Variants in TMTC2 observed in about 807,000 individuals in gnomAD.
The protein encoded by TMTC2 is transmembrane O-mannosyltransferase targeting cadherins 2, also known as protein O-mannosyl-transferase TMTC2.
TMTC2 carries 43 observed loss-of-function variants against 82.4 expected under a neutral mutation model. The observed-to-expected ratio is 0.52, with a 90% CI of 0.41 to 0.67. The LOEUF is 0.67. Ranked by LOEUF, TMTC2 falls within the 30% of genes least tolerant of loss-of-function variation. TMTC2 has a pLI of 0.00. For synonymous variants in TMTC2, 408 were observed against 381.9 expected, an observed-to-expected ratio of 1.07 and a Z score of -0.80; for missense variants, 919 against 1,012.4, an observed-to-expected ratio of 0.91 and a Z score of 1.25.
intron 11 of TMTC2, among the ~76,000 whole-genome samples, chr12:83,080,481 T>A (rs1883426961): frequency 6.6e-6 from 1 of 152,102 alleles, no homozygotes; most frequent in Non-Finnish European, 1.5e-5. Flanking sequence ...AATTGTAATT[T>A]AAAAAATTAT....
At chr12:83,101,123 T>A (rs191829716) in intron 11 of TMTC2, among the ~76,000 whole-genome samples, 1 of 152,372 alleles carries the variant, frequency 6.6e-6, no homozygotes, top group Non-Finnish European at 1.5e-5. Context: ...TTTAGCATGA[T>A]TGCTTGTGAC....
chr12:82,780,446 T>G (rs572095573), intron 1 of TMTC2, among the ~76,000 whole-genome samples: 50 of 152,188 alleles, frequency 3.3e-4, no homozygotes, highest in African/African-American at 1.2e-3. Context: ...TTTTTTTTTT[T>G]GTTGAGTGTT....
chr12:83,051,921 G>T (rs577127829), intron 10 of TMTC2, among the ~76,000 whole-genome samples: 2 of 152,122 alleles, frequency 1.3e-5, no homozygotes, highest in Admixed American at 6.6e-5. Context: ...ATTAAAGGAG[G>T]ATGTTTTTAA....
At chr12:83,035,847 T>C (rs1881641203) in intron 9 of TMTC2, among the ~76,000 whole-genome samples, 1 of 152,214 alleles carries the variant, frequency 6.6e-6, no homozygotes, top group African/African-American at 2.4e-5. Flanking sequence ...AAACCTTTAG[T>C]GTAGGTGCAT....
intron 1 of TMTC2, among the ~76,000 whole-genome samples, chr12:82,724,123 C>G (rs1310447371): frequency 6.6e-6 from 1 of 152,154 alleles, no homozygotes; most frequent in Non-Finnish European, 1.5e-5. Flanking sequence ...ACACAGCTCA[C>G]GTTTGAGCAT....
chr12:82,804,264 A>G (rs2137040349), intron 1 of TMTC2, among the ~76,000 whole-genome samples: 1 of 152,248 alleles, frequency 6.6e-6, no homozygotes, highest in East Asian at 1.9e-4. Flanking sequence ...CACCTTTCAG[A>G]AAGAGAGGTT....
chr12:83,049,397 G>A (rs751078244), intron 9 of TMTC2, among the ~76,000 whole-genome samples: 8 of 152,114 alleles, frequency 5.3e-5, no homozygotes, highest in Non-Finnish European at 8.8e-5. Context: ...CCACTTATAA[G>A]TGAGAACATG....
chr12:83,012,638 T>G (rs1880510049), intron 8 of TMTC2, among the ~76,000 whole-genome samples: 1 of 152,194 alleles, frequency 6.6e-6, no homozygotes, highest in Non-Finnish European at 1.5e-5. Context: ...ATATTCATTT[T>G]TTATTCACTT....
intron 11 of TMTC2, among the ~76,000 whole-genome samples, chr12:83,084,800 A>G (rs1883595324): frequency 6.6e-6 from 1 of 152,214 alleles, no homozygotes; most frequent in Non-Finnish European, 1.5e-5. Flanking sequence ...AGCACCTAAC[A>G]GGACAAGGCA....
chr12:82,875,197 A>G (rs938244090), intron 2 of TMTC2, among the ~76,000 whole-genome samples: 8 of 152,176 alleles, frequency 5.3e-5, no homozygotes, highest in African/African-American at 1.9e-4. Context: ...CTCTCCAAAG[A>G]GATTATGTTT....
chr12:83,117,469 T>A (rs1253975651), intron 11 of TMTC2, among the ~76,000 whole-genome samples: 1 of 152,214 alleles, frequency 6.6e-6, no homozygotes, highest in Non-Finnish European at 1.5e-5. Context: ...GTTTAACATA[T>A]GCAAGTCAAT....
intron 1 of TMTC2, among the ~76,000 whole-genome samples, chr12:82,762,639 T>G (rs1431299537): frequency 6.6e-6 from 1 of 152,014 alleles, no homozygotes; most frequent in Non-Finnish European, 1.5e-5. Context: ...TACCAGTAAT[T>G]TATAAAAAAA....
chr12:82,783,290 C>CTGTGTGTGTGTGTGTGTG (rs72110651), intron 1 of TMTC2, among the ~76,000 whole-genome samples: 110 of 119,366 alleles, frequency 9.2e-4, no homozygotes, highest in African/African-American at 3.3e-3. Flanking sequence ...GTATATGCCT[C>CTGTGTGTGTGTGTGTGTG]TGTGTGTGTG....
chr12:82,944,435 T>G (rs961868519), intron 4 of TMTC2, among the ~76,000 whole-genome samples: 1 of 151,658 alleles, frequency 6.6e-6, no homozygotes, highest in African/African-American at 2.4e-5. Flanking sequence ...ATACAAAAAA[T>G]TAGCTGGGTG....
At chr12:82,748,092 C>CCT (rs1281282634) in intron 1 of TMTC2, among the ~76,000 whole-genome samples, 1 of 152,066 alleles carries the variant, frequency 6.6e-6, no homozygotes, top group Non-Finnish European at 1.5e-5. Context: ...GGGTGGATCA[C>CCT]GCGGTCAGGA....
chr12:82,746,639 G>A (rs141163171), intron 1 of TMTC2, among the ~76,000 whole-genome samples: 19 of 152,256 alleles, frequency 1.2e-4, no homozygotes, highest in African/African-American at 4.6e-4. Context: ...TATTGCAAAG[G>A]GACTTCGTAG....
chr12:82,853,402 C>T (rs572228316), intron 1 of TMTC2, among the ~76,000 whole-genome samples: 5 of 152,226 alleles, frequency 3.3e-5, no homozygotes, highest in Admixed American at 2.0e-4. Flanking sequence ...CATGCCCGGC[C>T]TCAAAGGTTT....
At chr12:83,017,284 G>A (rs1289921334) in intron 8 of TMTC2, among the ~76,000 whole-genome samples, 1 of 152,176 alleles carries the variant, frequency 6.6e-6, no homozygotes, top group Admixed American at 6.5e-5. Flanking sequence ...TTGTGAGAGA[G>A]AAACAGGAAT....
intron 9 of TMTC2, among the ~76,000 whole-genome samples, chr12:83,040,777 C>T (rs1428466099): frequency 4.6e-5 from 7 of 151,746 alleles, no homozygotes; most frequent in African/African-American, 1.2e-4. Context: ...CTCTGCCTCC[C>T]GGGTTCATGC....
Sources: gnomAD v4.1 joint callset for allele counts (sites outside exome capture counted in the v4.1 genomes callset) on GRCh38, gnomAD v4.1.1 for gene constraint, MANE v1.5 for transcripts, NCBI Gene and HGNC (gene_info 2026-07-23, HGNC 2026-07-21) for gene names.